The following LOC122539214 variants were observed in gnomAD, a reference collection of about 807,000 sequenced individuals.
At chr19:52,655,618 G>A in the LOC122539214 span, 4 of 1,497,896 alleles carry the variant, frequency 2.7e-6, no homozygotes, top group African/African-American at 4.1e-5. Context: ...AAAGCCCTCT[G>A]TGCAGGGTTC....
chr19:52,684,450 G>A, the LOC122539214 span, among the ~76,000 whole-genome samples: 3 of 151,768 alleles, frequency 2.0e-5, no homozygotes, highest in East Asian at 5.8e-4. Flanking sequence ...TTGGGAGGCT[G>A]AGGCACAAGA....
the LOC122539214 span, chr19:52,690,317 G>C: frequency 9.1e-5 from 14 of 153,040 alleles, no homozygotes; most frequent in South Asian, 2.8e-3. Flanking sequence ...CTCTCACGGG[G>C]ATGTCTCTAT....
At chr19:52,676,302 G>C in the LOC122539214 span, among the ~76,000 whole-genome samples, 1 of 152,172 alleles carries the variant, frequency 6.6e-6, no homozygotes, top group Admixed American at 6.5e-5. Flanking sequence ...GCCCAGGCTG[G>C]AGTGCAGTGG....
At chr19:52,682,873 T>A in the LOC122539214 span, among the ~76,000 whole-genome samples, 2 of 151,994 alleles carry the variant, frequency 1.3e-5, no homozygotes, top group East Asian at 3.9e-4. Context: ...TCTCTCTCTG[T>A]CTCTCTTTTT....
chr19:52,681,198 T>C, the LOC122539214 span, among the ~76,000 whole-genome samples: 2 of 143,438 alleles, frequency 1.4e-5, no homozygotes, highest in Admixed American at 1.5e-4. Flanking sequence ...GGTAGGAGAA[T>C]CTCGAGCCCA....
At chr19:52,685,544 GA>G in the LOC122539214 span, among the ~76,000 whole-genome samples, 1 of 152,084 alleles carries the variant, frequency 6.6e-6, no homozygotes, top group Non-Finnish European at 1.5e-5. Context: ...AATTGACCTT[GA>G]AAACAGGGAA....
At chr19:52,656,225 TC>T in the LOC122539214 span, among the ~76,000 whole-genome samples, 1 of 128,244 alleles carries the variant, frequency 7.8e-6, no homozygotes, top group Non-Finnish European at 1.8e-5. Context: ...TCTCTCTCTC[TC>T]TATATATATA....
chr19:52,677,306 T>TAA, the LOC122539214 span, among the ~76,000 whole-genome samples: 5 of 106,462 alleles, frequency 4.7e-5, no homozygotes, highest in East Asian at 5.1e-4. Flanking sequence ...AATTGAGAAG[T>TAA]AAAAAAAAAA....
chr19:52,676,397 C>T, the LOC122539214 span, among the ~76,000 whole-genome samples: 8 of 152,184 alleles, frequency 5.3e-5, no homozygotes, highest in Non-Finnish European at 1.0e-4. Context: ...TCTGCCCGGC[C>T]GCCACCCCGT....
the LOC122539214 span, among the ~76,000 whole-genome samples, chr19:52,665,194 C>T: frequency 6.4e-4 from 98 of 152,196 alleles, no homozygotes; most frequent in African/African-American, 2.1e-3. Context: ...CCTAGAGCCA[C>T]TGCCTGGGGT....
the LOC122539214 span, among the ~76,000 whole-genome samples, chr19:52,661,311 G>A: frequency 2.6e-5 from 4 of 152,266 alleles, no homozygotes; most frequent in East Asian, 1.9e-4. Flanking sequence ...ACCTACAAGG[G>A]TAATTTTGAC....
At chr19:52,670,261 C>A in the LOC122539214 span, among the ~76,000 whole-genome samples, 5 of 152,126 alleles carry the variant, frequency 3.3e-5, no homozygotes, top group African/African-American at 1.2e-4. Context: ...CACCCTCATT[C>A]CATAACATTT....
At chr19:52,682,302 T>C in the LOC122539214 span, among the ~76,000 whole-genome samples, 2 of 152,180 alleles carry the variant, frequency 1.3e-5, no homozygotes, top group Non-Finnish European at 2.9e-5. Flanking sequence ...GGAGGATCCC[T>C]AGAGGTCAGT....
chr19:52,686,482 A>AT, the LOC122539214 span, among the ~76,000 whole-genome samples: 1 of 125,110 alleles, frequency 8.0e-6, no homozygotes, highest in Non-Finnish European at 1.7e-5. Context: ...ATATATATAT[A>AT]AATAAATGAG....
At chr19:52,687,179 C>A in the LOC122539214 span, among the ~76,000 whole-genome samples, 1 of 138,668 alleles carries the variant, frequency 7.2e-6, no homozygotes, top group Admixed American at 7.5e-5. Flanking sequence ...AAAACTCCAT[C>A]TCAAAAAAAA....
At chr19:52,676,008 G>A in the LOC122539214 span, among the ~76,000 whole-genome samples, 1 of 152,218 alleles carries the variant, frequency 6.6e-6, no homozygotes, top group East Asian at 1.9e-4. Context: ...GACCAACATG[G>A]TGAAACCCTG....
chr19:52,655,348 T>G, the LOC122539214 span: 5 of 456,286 alleles, frequency 1.1e-5, no homozygotes, highest in South Asian at 1.5e-4. Context: ...TTAGTCAAAG[T>G]GTTCATGAAT....
chr19:52,683,849 C>T, the LOC122539214 span, among the ~76,000 whole-genome samples: 6 of 152,256 alleles, frequency 3.9e-5, no homozygotes, highest in Non-Finnish European at 7.4e-5. Flanking sequence ...ACTGCAACCC[C>T]AGAGTAGGTG....
chr19:52,674,099 C>T, the LOC122539214 span: 1 of 151,960 alleles, frequency 6.6e-6, no homozygotes, highest in Non-Finnish European at 1.5e-5. Context: ...CAGACACAAC[C>T]CTCTGATATG....
Sources: gnomAD v4.1 joint callset for allele counts (sites outside exome capture counted in the v4.1 genomes callset) on GRCh38, gnomAD v4.1.1 for gene constraint, MANE v1.5 for transcripts.